MDGA2: variants seen among roughly 807,000 people sequenced by gnomAD.
The protein encoded by MDGA2 is MAM domain containing glycosylphosphatidylinositol anchor 2.
MDGA2 carries 40 observed loss-of-function variants against 117.8 expected under a neutral mutation model. That is an observed-to-expected ratio of 0.34 (90% CI 0.26 to 0.44). The LOEUF is 0.44. Ranked by LOEUF, MDGA2 falls within the 20% of genes least tolerant of loss-of-function variation. MDGA2 has a pLI of 1.00. For missense variants in MDGA2, 1,123 were observed against 1,250.6 expected, an observed-to-expected ratio of 0.90 and a Z score of 1.54; for synonymous variants, 452 against 439.0, an observed-to-expected ratio of 1.03 and a Z score of -0.37.
chr14:46,978,312 A>G (rs932484746), intron 8 of MDGA2, among the ~76,000 whole-genome samples: 68 of 152,086 alleles, frequency 4.5e-4, no homozygotes, highest in African/African-American at 1.5e-3. Context: ...ACATCACTGT[A>G]ATTAGGTTTC....
chr14:47,101,378 A>G (rs1302406317), intron 5 of MDGA2, among the ~76,000 whole-genome samples: 2 of 152,186 alleles, frequency 1.3e-5, no homozygotes, highest in Non-Finnish European at 2.9e-5. Context: ...CCTGGCAAAC[A>G]AAGTTTTCTT....
chr14:46,862,181 A>C (rs1445841171), intron 14 of MDGA2, among the ~76,000 whole-genome samples: 1 of 151,832 alleles, frequency 6.6e-6, no homozygotes, highest in Non-Finnish European at 1.5e-5. Context: ...AAGCTAAGCA[A>C]AACTCAAACT....
chr14:47,301,583 A>G, intron 1 of MDGA2, 33 bp from the exon 2 acceptor site: 3 of 1,550,730 alleles, frequency 1.9e-6, no homozygotes, highest in Non-Finnish European at 2.6e-6. Context: ...GACAAGATAC[A>G]TGAAAAGGTA....
chr14:47,457,111 G>A (rs964273260), intron 1 of MDGA2, among the ~76,000 whole-genome samples: 31 of 152,126 alleles, frequency 2.0e-4, no homozygotes, highest in African/African-American at 7.0e-4. Flanking sequence ...TTAGCTAATG[G>A]AGTTAGATAA....
intron 10 of MDGA2, among the ~76,000 whole-genome samples, chr14:46,908,811 C>T (rs1883593775): frequency 6.6e-6 from 1 of 152,098 alleles, no homozygotes; most frequent in Admixed American, 6.6e-5. Context: ...TGCTTCATTT[C>T]AATTAGTGTG....
chr14:47,393,906 C>T (rs147083924), intron 1 of MDGA2, among the ~76,000 whole-genome samples: 7 of 152,094 alleles, frequency 4.6e-5, no homozygotes, highest in South Asian at 2.1e-4. Flanking sequence ...TAAATATAAA[C>T]GAACATTTGG....
intron 14 of MDGA2, among the ~76,000 whole-genome samples, chr14:46,869,042 C>G (rs1051674496): frequency 4.0e-5 from 6 of 151,870 alleles, no homozygotes; most frequent in Non-Finnish European, 8.8e-5. Context: ...TTTATTACCT[C>G]TTTTTCCTCT....
At chr14:46,878,494 ACT>A in intron 11 of MDGA2, among the ~76,000 whole-genome samples, 1 of 152,134 alleles carries the variant, frequency 6.6e-6, no homozygotes, top group East Asian at 1.9e-4. Flanking sequence ...ACAGTAATAA[ACT>A]CTGACGGGCA....
intron 8 of MDGA2, among the ~76,000 whole-genome samples, chr14:47,003,527 C>T (rs992635276): frequency 2.0e-5 from 3 of 152,030 alleles, no homozygotes; most frequent in Non-Finnish European, 4.4e-5. Context: ...GTAGTGGTAT[C>T]TCACTGTGGT....
chr14:47,188,934 A>C (rs573412342), intron 3 of MDGA2, among the ~76,000 whole-genome samples: 1 of 152,272 alleles, frequency 6.6e-6, no homozygotes, highest in Admixed American at 6.5e-5. Flanking sequence ...AACTTCAAGT[A>C]AAAGGATGAA....
intron 2 of MDGA2, among the ~76,000 whole-genome samples, chr14:47,276,045 A>G (rs1361903125): frequency 6.6e-6 from 1 of 152,166 alleles, no homozygotes; most frequent in Non-Finnish European, 1.5e-5. Flanking sequence ...TGGTGAAGCC[A>G]GTGATAAACA....
intron 1 of MDGA2, among the ~76,000 whole-genome samples, chr14:47,454,089 T>C (rs545363991): frequency 6.6e-5 from 10 of 152,338 alleles, no homozygotes; most frequent in African/African-American, 1.9e-4. Flanking sequence ...CTCCCTCTGC[T>C]ACTAGAATTG....
chr14:46,908,971 T>G (rs1029596437), intron 10 of MDGA2, among the ~76,000 whole-genome samples: 1 of 152,210 alleles, frequency 6.6e-6, no homozygotes, highest in Non-Finnish European at 1.5e-5. Flanking sequence ...TTCAATCATT[T>G]GGCATACAGA....
At chr14:47,143,265 C>A (rs1454232325) in intron 4 of MDGA2, among the ~76,000 whole-genome samples, 4 of 152,128 alleles carry the variant, frequency 2.6e-5, no homozygotes, top group Admixed American at 6.6e-5. Flanking sequence ...GCATGAGCCA[C>A]CACGCCTAGC....
chr14:46,933,201 T>C (rs952488426), intron 9 of MDGA2, among the ~76,000 whole-genome samples: 3 of 152,008 alleles, frequency 2.0e-5, no homozygotes, highest in African/African-American at 7.2e-5. Flanking sequence ...TTAAGACACG[T>C]TCCAGAAAAG....
intron 3 of MDGA2, among the ~76,000 whole-genome samples, chr14:47,147,445 T>G (rs1302848522): frequency 6.6e-6 from 1 of 152,166 alleles, no homozygotes; most frequent in Non-Finnish European, 1.5e-5. Context: ...CTCTCTGAGC[T>G]GTGATATCCC....
chr14:47,035,369 G>T, intron 7 of MDGA2, 65 bp from the exon 8 acceptor site: 1 of 1,320,554 alleles, frequency 7.6e-7, no homozygotes, highest in Non-Finnish European at 1.0e-6. Flanking sequence ...TTCAGATACA[G>T]AAAATCATAA....
chr14:47,509,335 A>G (rs1452332611), intron 1 of MDGA2, among the ~76,000 whole-genome samples: 1 of 152,220 alleles, frequency 6.6e-6, no homozygotes, highest in Non-Finnish European at 1.5e-5. Context: ...TTAAAAAATG[A>G]GTTTGGAGAT....
At chr14:47,319,135 C>T (rs147272828) in intron 1 of MDGA2, among the ~76,000 whole-genome samples, 165 of 152,146 alleles carry the variant, frequency 1.1e-3, no homozygotes, top group Non-Finnish European at 2.0e-3. Flanking sequence ...AATATTTTCC[C>T]GAGGTGTCAT....
Sources: gnomAD v4.1 joint callset for allele counts (sites outside exome capture counted in the v4.1 genomes callset) on GRCh38, gnomAD v4.1.1 for gene constraint, MANE v1.5 for transcripts, NCBI Gene and HGNC (gene_info 2026-07-23, HGNC 2026-07-21) for gene names.